The following CERK variants were observed in gnomAD, a reference collection of about 807,000 sequenced individuals.
CERK encodes acylsphingosine kinase.
Under a neutral mutation model 63.4 loss-of-function variants are expected in CERK, and 39 were observed. The ratio of observed to expected loss-of-function variants is 0.61; its 90% confidence interval spans 0.48 to 0.80. The LOEUF is 0.80. Among genes scored for constraint, CERK ranks in the 30% least tolerant of loss-of-function variants. CERK has a pLI of 0.00. For synonymous variants in CERK, 302 were observed against 280.0 expected (o/e 1.08, Z -0.78); for missense variants, 670 against 714.1 (o/e 0.94, Z 0.70).
At chr22:46,711,040 T>A (rs772787100) in intron 5 of CERK, 46 bp downstream of exon 5, 1 of 1,540,892 alleles carries the variant, frequency 6.5e-7, no homozygotes, top group Non-Finnish European at 9.0e-7. Context: ...GGTAGAACTT[T>A]TTCATTAACA....
At chr22:46,696,147 G>A (rs897606486) in intron 8 of CERK, among the ~76,000 whole-genome samples, 10 of 152,198 alleles carry the variant, frequency 6.6e-5, no homozygotes, top group South Asian at 6.2e-4. Flanking sequence ...AGTGTGCACC[G>A]CCCAGGGGTG....
At chr22:46,737,379 G>T (rs1165445383) in intron 1 of CERK, among the ~76,000 whole-genome samples, 3 of 152,058 alleles carry the variant, frequency 2.0e-5, no homozygotes, top group Admixed American at 2.0e-4. Flanking sequence ...CTCCAGGGTG[G>T]GCTATGCGTC....
At chr22:46,720,767 G>C in intron 2 of CERK, 135 bp downstream of exon 2, 1 of 574,316 alleles carries the variant, frequency 1.7e-6, no homozygotes, top group Non-Finnish European at 3.2e-6. Context: ...GTAGCATTTG[G>C]GGAAAAAAAT....
chr22:46,729,180 T>C (rs910855456), intron 1 of CERK, among the ~76,000 whole-genome samples: 5 of 152,042 alleles, frequency 3.3e-5, no homozygotes, highest in African/African-American at 7.2e-5. Flanking sequence ...CTGGACAACA[T>C]AGTGAGGCCC....
Position 46,726,765 on chromosome 22 carries a change from CCCCCGCCCCT to C in CERK, c.143-5760_143-5751del, listed in dbSNP as rs376811459. Among the ~76,000 whole-genome samples, 179 of 152,204 alleles carry C rather than the reference CCCCCGCCCCT, an allele frequency of 1.2e-3. 2 individuals are homozygous for C. The highest frequency in any genetic ancestry group is 4.1e-3 in the African/African-American group (169 of 41,522). On this transcript the variant is annotated intron_variant, in intron 1 of 12. Transcript: ENST00000216264. ...GGAAACTCAGAGATGGTCAAACTGT[CCCCCGCCCCT>C]CCCCGCCCACCACGTCCACCCTGAC...
intron 1 of CERK, among the ~76,000 whole-genome samples, chr22:46,722,009 C>A (rs2082895005): frequency 6.6e-6 from 1 of 152,172 alleles, no homozygotes; most frequent in Admixed American, 6.5e-5. Flanking sequence ...AAAGAACTTG[C>A]CCAGGAGAGC....
chr22:46,705,385 G>C (rs1164544830), intron 6 of CERK, among the ~76,000 whole-genome samples: 1 of 152,178 alleles, frequency 6.6e-6, no homozygotes, highest in African/African-American at 2.4e-5. Context: ...CAAAGAATCG[G>C]AACGGGCTGG....
At chr22:46,696,247 G>A (rs2082755640) in intron 8 of CERK, among the ~76,000 whole-genome samples, 1 of 152,210 alleles carries the variant, frequency 6.6e-6, no homozygotes, top group Admixed American at 6.5e-5. Context: ...AGCCCCGTCT[G>A]TGGGTCTTGC....
intron 1 of CERK, among the ~76,000 whole-genome samples, chr22:46,725,042 G>A (rs1039893785): frequency 1.3e-5 from 2 of 152,006 alleles, no homozygotes; most frequent in Non-Finnish European, 2.9e-5. Flanking sequence ...AGAAAAAGAA[G>A]GCTGGGCTCA....
At chr22:46,737,299 A>AC (rs1569333348) in intron 1 of CERK, among the ~76,000 whole-genome samples, 3 of 115,312 alleles carry the variant, frequency 2.6e-5, no homozygotes, top group East Asian at 2.5e-4. Context: ...CTCAAAAAAA[A>AC]AAAAAAACAA....
At chr22:46,700,294 G>A (rs977307598) in intron 7 of CERK, among the ~76,000 whole-genome samples, 2 of 136,256 alleles carry the variant, frequency 1.5e-5, no homozygotes, top group African/African-American at 5.5e-5. Flanking sequence ...TTGGGAGGCT[G>A]AGGCAGGAGA....
chr22:46,699,572 AGT>A, intron 7 of CERK, 107 bp from the exon 8 acceptor site: 1 of 1,032,492 alleles, frequency 9.7e-7, no homozygotes, highest in Non-Finnish European at 1.5e-6. Context: ...ACTTTTAAAA[AGT>A]GTGAAACAAA....
intron 8 of CERK, among the ~76,000 whole-genome samples, chr22:46,698,413 G>C (rs2082766910): frequency 6.6e-6 from 1 of 152,224 alleles, no homozygotes; most frequent in Non-Finnish European, 1.5e-5. Context: ...AATACGTGCT[G>C]AGTGTATCTC....
At chr22:46,722,553 C>A (rs1370483304) in intron 1 of CERK, among the ~76,000 whole-genome samples, 1 of 145,392 alleles carries the variant, frequency 6.9e-6, no homozygotes, top group Non-Finnish European at 1.5e-5. Context: ...CTGGGCCTCC[C>A]ATCTTTTTTT....
In CERK at chr22:46,690,463, CG is replaced by C. The variant is rs112913919; in HGVS notation, c.1333-264del. ...TACCTTCCCCGGTGCCCACCTTCCGCGGCACTTGTCAAAATGACTTCTAATG... is the reference window on the plus strand; with the variant it reads ...TACCTTCCCCGGTGCCCACCTTCCGCGCACTTGTCAAAATGACTTCTAATG... On this transcript the variant is annotated intron_variant, in intron 11 of 12. Transcript: ENST00000216264. Among the ~76,000 whole-genome samples the C allele has an allele frequency of 3.0e-3, 458 of 152,186 alleles. 2 individuals are homozygous for C. Among genetic ancestry groups the C allele is most frequent in the African/African-American group, 0.01 (429 of 41,532 alleles).
chr22:46,696,298 G>A (rs1003607509), intron 8 of CERK, among the ~76,000 whole-genome samples: 1 of 152,182 alleles, frequency 6.6e-6, no homozygotes, highest in East Asian at 1.9e-4. Context: ...CTCAGCGGGC[G>A]GGCCCTTCCA....
In CERK at chr22:46,721,303, A is replaced by ATATT. The variant is rs1555988150; in HGVS notation, c.143-289_143-288insAATA. Among the ~76,000 whole-genome samples the ATATT allele has an allele frequency of 8.6e-4, 130 of 151,656 alleles. 1 individual carries two copies. The highest frequency in any genetic ancestry group is 2.6e-3 in the African/African-American group (106 of 41,312). ...AAAAAAGATATACATATATATATAT[A>ATATT]TTTTTTTGAGACAGAGTCTCACGCT... On this transcript the variant is annotated intron_variant, in intron 1 of 12. Transcript: ENST00000216264.
At chr22:46,716,191 CT>C (rs79638073) in intron 3 of CERK, among the ~76,000 whole-genome samples, 15,356 of 141,118 alleles carry the variant, frequency 0.11, 824 homozygotes, top group African/African-American at 0.14. Flanking sequence ...CCTCATCTCC[CT>C]TTTTTTTTTT....
intron 1 of CERK, among the ~76,000 whole-genome samples, chr22:46,722,556 CTTTTTTTTTT>C (rs556829995): frequency 8.0e-6 from 1 of 125,566 alleles, no homozygotes; most frequent in Non-Finnish European, 1.6e-5. Context: ...GGCCTCCCAT[CTTTTTTTTTT>C]TTTTTTTTTT....
Sources: allele counts gnomAD v4.1 joint callset (sites outside exome capture counted in the v4.1 genomes callset), GRCh38; gene constraint gnomAD v4.1.1; transcripts MANE v1.5; gene names NCBI Gene and HGNC (gene_info 2026-07-23, HGNC 2026-07-21).